The following FPR3 variants were observed in gnomAD, a reference collection of about 807,000 sequenced individuals.
FPR3 encodes the protein formyl peptide receptor 3.
For missense variants in FPR3, 346 were observed against 443.2 expected, an observed-to-expected ratio of 0.78 and a Z score of 1.97; for synonymous variants, 135 against 163.6, an observed-to-expected ratio of 0.83 and a Z score of 1.34.
At chr19:51,806,530 A>G (rs1453586577) in intron 1 of FPR3, among the ~76,000 whole-genome samples, 1 of 152,000 alleles carries the variant, frequency 6.6e-6, no homozygotes, top group African/African-American at 2.4e-5. Context: ...GGCCTCCTAT[A>G]CCCCCTTTTT....
chr19:51,799,238 C>T (rs1159499207), intron 1 of FPR3, among the ~76,000 whole-genome samples: 1 of 152,116 alleles, frequency 6.6e-6, no homozygotes, highest in Non-Finnish European at 1.5e-5. Context: ...CATGTACCTC[C>T]CGGGGTCTGT....
intron 1 of FPR3, among the ~76,000 whole-genome samples, chr19:51,816,877 G>C (rs1216156302): frequency 6.6e-6 from 1 of 152,208 alleles, no homozygotes; most frequent in Non-Finnish European, 1.5e-5. Context: ...CACATATGCT[G>C]TTAGAAGTAT....
At chr19:51,803,023 T>G (rs951613447) in intron 1 of FPR3, among the ~76,000 whole-genome samples, 1 of 152,180 alleles carries the variant, frequency 6.6e-6, no homozygotes, top group Non-Finnish European at 1.5e-5. Flanking sequence ...GTCTGACATG[T>G]GGTAGGCACT....
intron 1 of FPR3, among the ~76,000 whole-genome samples, chr19:51,799,216 C>T (rs1405602324): frequency 6.6e-6 from 1 of 152,158 alleles, no homozygotes; most frequent in Non-Finnish European, 1.5e-5. Context: ...TGAGTGTGGC[C>T]TCCAGATGTC....
At chr19:51,806,114 T>C (rs2084056977) in intron 1 of FPR3, among the ~76,000 whole-genome samples, 1 of 152,220 alleles carries the variant, frequency 6.6e-6, no homozygotes. Context: ...TGATATTCTT[T>C]ACAAATGTAA....
At chr19:51,797,913 C>T (rs945468539) in intron 1 of FPR3, among the ~76,000 whole-genome samples, 9 of 101,894 alleles carry the variant, frequency 8.8e-5, no homozygotes, top group East Asian at 3.3e-4. Context: ...GACGGAGTCT[C>T]GCTCTGTTGC....
chr19:51,816,874 G>T (rs1339814037), intron 1 of FPR3, among the ~76,000 whole-genome samples: 3 of 152,222 alleles, frequency 2.0e-5, no homozygotes, highest in African/African-American at 7.2e-5. Context: ...CCACACATAT[G>T]CTGTTAGAAG....
chr19:51,799,935 G>T (rs2084019206), intron 1 of FPR3, among the ~76,000 whole-genome samples: 1 of 152,212 alleles, frequency 6.6e-6, no homozygotes, highest in Non-Finnish European at 1.5e-5. Flanking sequence ...TGCTGAGCTG[G>T]CCACCCGGTA....
chr19:51,802,795 G>T (rs531693301), intron 1 of FPR3, among the ~76,000 whole-genome samples: 1 of 152,220 alleles, frequency 6.6e-6, no homozygotes, highest in African/African-American at 2.4e-5. Flanking sequence ...CTTAAATTAT[G>T]AATGGATGTT....
chr19:51,819,818 C>A (rs1045197502), intron 1 of FPR3, among the ~76,000 whole-genome samples: 1 of 152,054 alleles, frequency 6.6e-6, no homozygotes, highest in African/African-American at 2.4e-5. Context: ...AGATTGGTTT[C>A]TTTTTAAAGG....
At chr19:51,821,849 C>A (rs544091913) in intron 1 of FPR3, among the ~76,000 whole-genome samples, 19 of 151,746 alleles carry the variant, frequency 1.3e-4, no homozygotes, top group Non-Finnish European at 2.2e-4. Flanking sequence ...ATGATGGCTG[C>A]CCACAATGTT....
intron 1 of FPR3, among the ~76,000 whole-genome samples, chr19:51,799,291 T>C (rs2084016535): frequency 6.6e-6 from 1 of 152,130 alleles, no homozygotes; most frequent in Non-Finnish European, 1.5e-5. Context: ...CGTCGCCTCA[T>C]TGAAGCCGCA....
chr19:51,808,082 T>C lies in FPR3; in HGVS notation c.-11+12751T>C, dbSNP rs552596628. On this transcript the variant is annotated intron_variant, in intron 1 of 1. Coordinates refer to ENST00000339223, the MANE Select transcript of FPR3 (RefSeq NM_002030.5). ...ATGAGGCATGTCTCTGCTGTAACAT[T>C]TGCTCTACAAGCTGTAATTTGGCTT... is the stretch of plus-strand genomic sequence containing the variant. Among the ~76,000 whole-genome samples the C allele has an allele frequency of 5.3e-5, 8 of 152,356 alleles. No homozygotes were observed. In the South Asian group the frequency reaches 1.4e-3, roughly 28 times the overall value.
At chr19:51,816,562 T>C (rs1011497514) in intron 1 of FPR3, among the ~76,000 whole-genome samples, 5 of 152,240 alleles carry the variant, frequency 3.3e-5, no homozygotes, top group African/African-American at 1.2e-4. Context: ...ATGTACTCTT[T>C]AGAATAAACC....
chr19:51,824,379 A>G lies in FPR3; in HGVS notation c.631A>G (p.Ser211Gly), dbSNP rs1401410601. 1.9e-6 allele frequency: 3 copies of G among 1,614,118 alleles called. No individual in the cohort carries two copies. Among genetic ancestry groups the G allele is most frequent in the Admixed American group, 1.7e-5 (1 of 60,018 alleles). ...GATCCTCCACTTCATTATTGGCTTC[A>G]GCGTGCCTATGTCCATCATCACAGT... is the stretch of plus-strand genomic sequence containing the variant. ...FLILHFIIGF[S>G]VPMSIITVCY... Residue 211 changes from serine to glycine, a missense_variant, in exon 2 of 2, where the codon AGC becomes GGC. Ser to Gly is a moderately conservative substitution (Grantham distance 56). Coordinates refer to ENST00000339223, the MANE Select transcript of FPR3 (RefSeq NM_002030.5). This position sits in a 1 kb window ranked among gnomAD's most constrained non-coding sequence, Gnocchi z 4.7.
At position 51,824,191 on chromosome 19, in the gene FPR3, G is replaced by T. The variant is rs1228483190; in HGVS notation, c.443G>T (p.Gly148Val). 6.2e-7 allele frequency: 1 copy of T among 1,614,154 alleles called. No homozygotes were observed. Among genetic ancestry groups the T allele is most frequent in the Non-Finnish European group, 8.5e-7 (1 of 1,180,016 alleles). ...TMSLAKRVMT[G>V]LWIFTIVLTL... ...AGTCTGGCCAAGAGGGTGATGACGG[G>T]ACTCTGGATTTTCACCATAGTCCTT... The change falls in exon 2 of 2, where the codon GGA becomes GTA. Residue 148 changes from glycine (G) to valine (V), a missense_variant. Coordinates refer to ENST00000339223, the MANE Select transcript of FPR3 (RefSeq NM_002030.5). This position sits in a 1 kb window ranked among gnomAD's most constrained non-coding sequence, Gnocchi z 4.7.
intron 1 of FPR3, among the ~76,000 whole-genome samples, chr19:51,822,139 C>A (rs1342798827): frequency 6.6e-6 from 1 of 152,112 alleles, no homozygotes; most frequent in Non-Finnish European, 1.5e-5. Flanking sequence ...GCAACAGCTT[C>A]CCATGTGACC....
chr19:51,800,172 G>A (rs748413362), intron 1 of FPR3, among the ~76,000 whole-genome samples: 9 of 152,320 alleles, frequency 5.9e-5, no homozygotes, highest in South Asian at 2.1e-4. Context: ...TGCAAGAGCC[G>A]GTGCTGCTGA....
chr19:51,821,063 C>T (rs750628605), intron 1 of FPR3, among the ~76,000 whole-genome samples: 1 of 152,206 alleles, frequency 6.6e-6, no homozygotes, highest in Non-Finnish European at 1.5e-5. Context: ...CATGACACAG[C>T]ACACAGCCTG....
Sources: allele counts gnomAD v4.1 joint callset (sites outside exome capture counted in the v4.1 genomes callset), GRCh38; gene constraint gnomAD v4.1.1; non-coding constraint Gnocchi (gnomAD v3.1); transcripts MANE v1.5; gene names NCBI Gene and HGNC (gene_info 2026-07-23, HGNC 2026-07-21).